Variants in CACHD1 observed in about 807,000 individuals in gnomAD.
CACHD1 encodes VWFA and cache domain-containing protein 1.
In CACHD1, 71 loss-of-function variants were observed where a neutral mutation model predicts 138.7. The ratio of observed to expected loss-of-function variants is 0.51; its 90% CI spans 0.42 to 0.62. CACHD1 has a LOEUF of 0.62. CACHD1 is among the 20% of genes least tolerant of loss of function. CACHD1 has a pLI of 0.00. For missense variants in CACHD1, 1,389 were observed against 1,625.3 expected, an observed-to-expected ratio of 0.85 and a Z score of 2.50; for synonymous variants, 578 against 591.5, an observed-to-expected ratio of 0.98 and a Z score of 0.33.
At chr1:64,582,029 G>A (rs1647016878) in intron 2 of CACHD1, 127 bp from the exon 3 acceptor site, 3 of 1,038,380 alleles carry the variant, frequency 2.9e-6, no homozygotes, top group East Asian at 5.2e-5. Context: ...ACTTGGGTGT[G>A]TGTTGTTTGT....
intron 26 of CACHD1, among the ~76,000 whole-genome samples, chr1:64,686,952 A>G (rs1650390349): frequency 6.6e-6 from 1 of 152,152 alleles, no homozygotes. Flanking sequence ...CCCCAGAGGG[A>G]CGTCACACCC....
intron 1 of CACHD1, among the ~76,000 whole-genome samples, chr1:64,471,458 G>A (rs1347177636): frequency 6.6e-6 from 1 of 152,220 alleles, no homozygotes; most frequent in Non-Finnish European, 1.5e-5. Context: ...TGGGCGCCGG[G>A]AGGGAAGGCG....
At chr1:64,486,355 CACACACACACACAT>C (rs1646242281) in intron 1 of CACHD1, among the ~76,000 whole-genome samples, 1 of 107,206 alleles carries the variant, frequency 9.3e-6, no homozygotes, top group African/African-American at 3.5e-5. Flanking sequence ...CGCGCGCACA[CACACACACACACAT>C]ACACACACAC....
chr1:64,565,407 A>G (rs989492264), intron 2 of CACHD1, among the ~76,000 whole-genome samples: 4 of 152,210 alleles, frequency 2.6e-5, no homozygotes, highest in Non-Finnish European at 4.4e-5. Context: ...AGAATTTACA[A>G]TGAATCAAGC....
chr1:64,654,202 G>A (rs776092460), intron 11 of CACHD1, among the ~76,000 whole-genome samples: 3 of 152,160 alleles, frequency 2.0e-5, no homozygotes, highest in Non-Finnish European at 4.4e-5. Context: ...ATTGAAAAAT[G>A]TTGGCAAAAT....
intron 1 of CACHD1, among the ~76,000 whole-genome samples, chr1:64,498,131 A>G (rs2100314371): frequency 6.6e-6 from 1 of 152,292 alleles, no homozygotes. Context: ...TGTTCCTAAA[A>G]CAAAACAAAA....
At chr1:64,685,847 CA>C (rs371274505) in intron 26 of CACHD1, among the ~76,000 whole-genome samples, 12 of 120,680 alleles carry the variant, frequency 9.9e-5, no homozygotes, top group East Asian at 2.4e-4. Flanking sequence ...AGGGCTGTCT[CA>C]AAAAAAAAAG....
intron 21 of CACHD1, 82 bp downstream of exon 21, chr1:64,676,065 A>G (rs1013809683): frequency 2.5e-5 from 14 of 563,500 alleles, no homozygotes; most frequent in Middle Eastern, 6.3e-4. Context: ...TGAGTCTCTT[A>G]TAGATTTGTT....
chr1:64,644,335 T>G (rs376068452), intron 8 of CACHD1, among the ~76,000 whole-genome samples: 6 of 152,232 alleles, frequency 3.9e-5, no homozygotes, highest in East Asian at 3.8e-4. Context: ...CAGAGCTGTA[T>G]TATACAAAGT....
intron 7 of CACHD1, among the ~76,000 whole-genome samples, chr1:64,637,763 C>T (rs945727165): frequency 6.6e-6 from 1 of 152,138 alleles, no homozygotes. Flanking sequence ...ATAGCTTTTA[C>T]TGACAGTTTA....
intron 3 of CACHD1, among the ~76,000 whole-genome samples, chr1:64,589,376 A>G (rs891252215): frequency 6.6e-6 from 1 of 152,152 alleles, no homozygotes; most frequent in Non-Finnish European, 1.5e-5. Flanking sequence ...TTAGGTTTTG[A>G]TACAAGAACA....
chr1:64,543,672 G>A (rs1646695898), intron 1 of CACHD1, among the ~76,000 whole-genome samples: 1 of 151,482 alleles, frequency 6.6e-6, no homozygotes, highest in Admixed American at 6.6e-5. Context: ...CGTTTTTATT[G>A]GGCCTTCCAT....
chr1:64,486,354 A>G (rs868699901), intron 1 of CACHD1, among the ~76,000 whole-genome samples: 1,232 of 105,906 alleles, frequency 0.012, 19 homozygotes, highest in African/African-American at 0.041. Context: ...GCGCGCGCAC[A>G]CACACACACA....
At chr1:64,484,790 G>A (rs536095907) in intron 1 of CACHD1, among the ~76,000 whole-genome samples, 7 of 152,332 alleles carry the variant, frequency 4.6e-5, no homozygotes, top group East Asian at 3.9e-4. Flanking sequence ...TCATCCATGC[G>A]TAGCATGTGT....
intron 4 of CACHD1, among the ~76,000 whole-genome samples, chr1:64,607,217 G>C (rs1647369055): frequency 6.6e-6 from 1 of 152,198 alleles, no homozygotes; most frequent in Non-Finnish European, 1.5e-5. Flanking sequence ...AAGCTGGAAA[G>C]GGAGCTGAGA....
chr1:64,606,093 G>A (rs1647327239), intron 4 of CACHD1, among the ~76,000 whole-genome samples: 1 of 117,750 alleles, frequency 8.5e-6, no homozygotes, highest in South Asian at 2.7e-4. Context: ...TTTGTTCTAG[G>A]TCAGGAGCTG....
At chr1:64,489,268 T>C (rs1234007732) in intron 1 of CACHD1, among the ~76,000 whole-genome samples, 1 of 152,202 alleles carries the variant, frequency 6.6e-6, no homozygotes, top group African/African-American at 2.4e-5. Flanking sequence ...CCAGTTGCCC[T>C]GAGACTTTTT....
At chr1:64,687,583 A>T (rs958624654) in intron 26 of CACHD1, among the ~76,000 whole-genome samples, 2 of 152,166 alleles carry the variant, frequency 1.3e-5, no homozygotes, top group African/African-American at 2.4e-5. Context: ...CTGCACCATC[A>T]CTACCGTCCT....
intron 4 of CACHD1, among the ~76,000 whole-genome samples, chr1:64,622,523 A>T (rs1647951533): frequency 6.6e-6 from 1 of 152,212 alleles, no homozygotes; most frequent in Non-Finnish European, 1.5e-5. Flanking sequence ...CAAACTAATA[A>T]ATCTGTTATT....
Sources: gnomAD v4.1 joint callset for allele counts (sites outside exome capture counted in the v4.1 genomes callset) on GRCh38, gnomAD v4.1.1 for gene constraint, MANE v1.5 for transcripts, NCBI Gene and HGNC (gene_info 2026-07-23, HGNC 2026-07-21) for gene names.